The following MCM10 variants were observed in gnomAD, a reference collection of about 807,000 sequenced individuals.
MCM10 encodes the protein protein MCM10 homolog.
MCM10 carries 91 observed loss-of-function variants against 109.9 expected under a neutral mutation model. The ratio of observed to expected loss-of-function variants is 0.83; its 90% CI spans 0.70 to 0.99. The LOEUF is 0.99. Ranked by LOEUF, MCM10 falls within the 50% of genes least tolerant of loss-of-function variation. The pLI is 0.00. For synonymous variants in MCM10, 380 were observed against 387.2 expected, an observed-to-expected ratio of 0.98 and a Z score of 0.22; for missense variants, 1,077 against 1,061.2, an observed-to-expected ratio of 1.01 and a Z score of -0.21.
At chr10:13,186,983 T>G (rs939834618) in intron 9 of MCM10, among the ~76,000 whole-genome samples, 2 of 152,104 alleles carry the variant, frequency 1.3e-5, no homozygotes, top group African/African-American at 4.8e-5. Flanking sequence ...TAGAGTGAGA[T>G]TCTGTCTCCA....
intron 8 of MCM10, 29 bp downstream of exon 8, chr10:13,183,129 AT>A: frequency 3.1e-6 from 5 of 1,603,564 alleles, no homozygotes; most frequent in Non-Finnish European, 4.3e-6. Context: ...GATTTGATTG[AT>A]GATTGTCTTT....
intron 7 of MCM10, among the ~76,000 whole-genome samples, chr10:13,180,816 T>C (rs1275854993): frequency 2.0e-5 from 3 of 152,196 alleles, no homozygotes; most frequent in African/African-American, 7.2e-5. Context: ...ACAGGTTTCT[T>C]GGGCTTTCCA....
intron 10 of MCM10, 93 bp downstream of exon 10, chr10:13,189,173 C>A: frequency 2.3e-6 from 3 of 1,326,498 alleles, no homozygotes; most frequent in Non-Finnish European, 3.2e-6. Context: ...TCATAGGATA[C>A]TTGTACAGGT....
Position 13,175,640 on chromosome 10 carries a change from T to C in MCM10, c.723T>C (p.Thr241=). The C allele has an allele frequency of 1.2e-6, 2 of 1,613,274 alleles. No individual in the cohort carries two copies. The highest frequency in any genetic ancestry group is 1.7e-6 in the Non-Finnish European group (2 of 1,179,370). The change falls in exon 6 of 20, where the codon ACT becomes ACC. Residue 241 remains threonine (T), a synonymous_variant. Coordinates refer to ENST00000378714, the MANE Select transcript of MCM10 (RefSeq NM_018518.5). The stretch of plus-strand genomic sequence containing the variant: ...CCCCAGGAAGTTCTGGGGAAACGAC[T>C]CAACCCATCTGTGTGGAAGCCTTCT... ...VGTPGSSGET[T]QPICVEAFSG...
chr10:13,169,180 C>G (rs1208925374), intron 2 of MCM10, among the ~76,000 whole-genome samples: 2 of 152,216 alleles, frequency 1.3e-5, no homozygotes, highest in African/African-American at 2.4e-5. Context: ...AATGGCATAC[C>G]TAGTCCAGCC....
At chr10:13,206,550 G>A (rs1316622177) in intron 18 of MCM10, among the ~76,000 whole-genome samples, 1 of 152,044 alleles carries the variant, frequency 6.6e-6, no homozygotes. Context: ...CCAGGAGCTG[G>A]CTTGCCAATT....
chr10:13,206,454 A>G (rs1029777561), intron 18 of MCM10, among the ~76,000 whole-genome samples: 13 of 152,056 alleles, frequency 8.5e-5, no homozygotes, highest in African/African-American at 2.7e-4. Context: ...CCTGGAGTTC[A>G]TACTTCACTC....
At chr10:13,169,238 CTA>C (rs779042815) in intron 2 of MCM10, among the ~76,000 whole-genome samples, 39 of 152,238 alleles carry the variant, frequency 2.6e-4, no homozygotes, top group Non-Finnish European at 4.7e-4. Context: ...TCAAGCTCGT[CTA>C]TGAAACCCCA....
At chr10:13,198,227 A>G (rs1834448996) in intron 15 of MCM10, among the ~76,000 whole-genome samples, 1 of 152,132 alleles carries the variant, frequency 6.6e-6, no homozygotes, top group Admixed American at 6.6e-5. Flanking sequence ...ATTACATTAA[A>G]TTGGAATGAA....
chr10:13,209,568 T>C lies in MCM10; in HGVS notation c.*258T>C. The C allele has an allele frequency of 2.0e-6, 1 of 507,942 alleles. No homozygotes were observed. The highest frequency in any genetic ancestry group is 3.5e-6 in the Non-Finnish European group (1 of 285,316). 31.5% of individuals were successfully genotyped at this position (507,942 alleles called of 1,614,324 possible). ...TGGATGATTGCATTACTTCATTCAC[T>C]GAAGTTTTTGCCCAAAAATTGGAAG... On this transcript the variant is annotated 3_prime_UTR_variant, in exon 20 of 20. Transcript: ENST00000378714.
chr10:13,172,293 C>A lies in MCM10; in HGVS notation c.350-83C>A. The A allele has an allele frequency of 1.0e-6, 1 of 984,586 alleles. No homozygotes were observed. The highest frequency in any genetic ancestry group is 1.6e-6 in the Non-Finnish European group (1 of 622,498). The allele number at this position is 984,586 out of a possible 1,614,324, so 61.0% of individuals were successfully genotyped here. ...TCAAGGTATTGGGGCAGGGAGTGGA[C>A]AACAAAAATATTGCCCGCATTTTTG... On this transcript the variant is annotated intron_variant, in intron 3 of 19. Transcript: ENST00000378714. The surrounding 1 kb of genome is among the most constrained non-coding windows in gnomAD (Gnocchi z 5.2).
intron 8 of MCM10, 74 bp from the exon 9 acceptor site, chr10:13,186,090 T>C: frequency 1.2e-6 from 1 of 833,048 alleles, no homozygotes; most frequent in Non-Finnish European, 2.0e-6. Context: ...CACCAACCAT[T>C]CTTTTTTCTA....
At chr10:13,177,508 C>CTTTTTTTTTT (rs60316855) in intron 6 of MCM10, among the ~76,000 whole-genome samples, 55 of 105,228 alleles carry the variant, frequency 5.2e-4, no homozygotes, top group Non-Finnish European at 6.5e-4. Context: ...GATTTTGGAG[C>CTTTTTTTTTT]TTTTTTTTTT....
chr10:13,166,304 G>C (rs536372855), intron 2 of MCM10, among the ~76,000 whole-genome samples: 1 of 152,180 alleles, frequency 6.6e-6, no homozygotes, highest in African/African-American at 2.4e-5. Context: ...TGGGAGTGAA[G>C]GATGAGGAAG....
chr10:13,204,161 A>G, intron 17 of MCM10, 58 bp from the exon 18 acceptor site: 2 of 1,587,120 alleles, frequency 1.3e-6, no homozygotes, highest in Non-Finnish European at 1.7e-6. Flanking sequence ...ACTGCAGCTG[A>G]GCATTTGTCC....
rs1834260784 is a variant in MCM10 at position 13,185,341 on chromosome 10, T to C, written c.1099-823T>C. 2.0e-5 allele frequency among the ~76,000 whole-genome samples: 3 copies of C among 152,182 alleles called. No homozygotes were observed. The South Asian group carries it at 6.2e-4, about 32-fold the overall frequency. ...CCGAGCTATTCAGGACAGTCCCTCTTGGTACAGTCTGTCCAAGAAGAGAAT... is the reference window on the plus strand; with the variant it reads ...CCGAGCTATTCAGGACAGTCCCTCTCGGTACAGTCTGTCCAAGAAGAGAAT... On this transcript the variant is annotated intron_variant, in intron 8 of 19. Coordinates refer to ENST00000378714, the MANE Select transcript of MCM10 (RefSeq NM_018518.5).
rs1209176574 is a variant in MCM10 at position 13,204,334 on chromosome 10, C to T, written c.2468C>T (p.Ser823Phe). The change falls in exon 18 of 20, where the codon TCC becomes TTC. Residue 823 changes from serine to phenylalanine, a missense_variant. Physicochemically the swap from Ser to Phe is radical, Grantham distance 155. Transcript: ENST00000378714. ...TGTCCCTGTGGAAACAGAAGCATCT[C>T]CTTGGACAGACTCCCGAACAAGCAC... ...FKCPCGNRSI[S>F]LDRLPNKHCS... The T allele has an allele frequency of 1.2e-6, 2 of 1,614,180 alleles. No homozygotes were observed. Among genetic ancestry groups the T allele is most frequent in the Non-Finnish European group, 8.5e-7 (1 of 1,180,026 alleles).
intron 15 of MCM10, among the ~76,000 whole-genome samples, chr10:13,198,261 G>A (rs1269218205): frequency 6.6e-6 from 1 of 151,994 alleles, no homozygotes; most frequent in Non-Finnish European, 1.5e-5. Flanking sequence ...TGAATACTTG[G>A]GAATAGGATT....
In MCM10 at chr10:13,161,622, C is replaced by A. The variant is rs1326649428; in HGVS notation, c.-76+16C>A. The A allele has an allele frequency of 6.6e-6, 1 of 152,366 alleles. No individual in the cohort carries two copies. The highest frequency in any genetic ancestry group is 1.9e-4 in the East Asian group (1 of 5,196). 9.4% of individuals were successfully genotyped at this position (152,366 alleles called of 1,614,324 possible). ...CCGGCATCGGGTGAGGAGCGCGGGCCCCGGGCGTGCGTGTGACCCTCGGGC... is the reference window on the plus strand; with the variant it reads ...CCGGCATCGGGTGAGGAGCGCGGGCACCGGGCGTGCGTGTGACCCTCGGGC... On this transcript the variant is annotated intron_variant, in intron 1 of 19. Coordinates refer to ENST00000378714, the MANE Select transcript of MCM10 (RefSeq NM_018518.5).
Sources: allele counts gnomAD v4.1 joint callset (sites outside exome capture counted in the v4.1 genomes callset), GRCh38; gene constraint gnomAD v4.1.1; non-coding constraint Gnocchi (gnomAD v3.1); transcripts MANE v1.5; gene names NCBI Gene and HGNC (gene_info 2026-07-23, HGNC 2026-07-21).